CRTAM: variants seen among roughly 807,000 people sequenced by gnomAD.
CRTAM encodes the protein cytotoxic and regulatory T cell molecule, also known as cytotoxic and regulatory T-cell molecule.
CRTAM carries 44 observed loss-of-function variants against 50.0 expected under a neutral mutation model. The ratio of observed to expected loss-of-function variants is 0.88; its 90% CI spans 0.69 to 1.13. CRTAM has a LOEUF of 1.13. Among genes scored for constraint, CRTAM ranks in the 50% most tolerant of loss-of-function variants. The probability of loss-of-function intolerance (pLI) is 0.00; values close to 1 mark genes in which losing one functional copy is unlikely to be tolerated. For missense variants in CRTAM, 448 were observed against 457.5 expected (o/e 0.98, Z 0.19); for synonymous variants, 159 against 169.3 (o/e 0.94, Z 0.47).
At chr11:122,865,863 C>T (rs10892919) in intron 7 of CRTAM, among the ~76,000 whole-genome samples, 62,823 of 152,062 alleles carry the variant, frequency 0.41, 15,743 homozygotes, top group Middle Eastern at 0.58. Context: ...TATGCACACA[C>T]GTATATAAAA....
rs144434993 is a variant in CRTAM at position 122,862,513 on chromosome 11, C to T, written c.702C>T (p.Ser234=). 143 of 1,612,220 alleles carry T rather than the reference C, an allele frequency of 8.9e-5. 1 individual carries two copies. The African/African-American group carries it at 1.7e-3, about 19-fold the overall frequency. The change falls in exon 6 of 10, where the codon TCC becomes TCT. Residue 234 remains serine, a synonymous_variant. Transcript: ENST00000227348. The part of the protein sequence containing the change: ...ASDALERNSL[S]SQDPQQPTST... ...ATGCTCTGGAGAGAAACTCTCTATC[C>T]TCTCAAGACCCACAGCAGCCCACCA...
intron 7 of CRTAM, among the ~76,000 whole-genome samples, chr11:122,865,801 C>A (rs1390684453): frequency 2.0e-5 from 3 of 152,210 alleles, no homozygotes; most frequent in African/African-American, 7.2e-5. Context: ...TTGGTGTTAT[C>A]TATCACTCCT....
At chr11:122,860,159 C>T (rs1475079916) in intron 5 of CRTAM, among the ~76,000 whole-genome samples, 1 of 152,228 alleles carries the variant, frequency 6.6e-6, no homozygotes, top group East Asian at 1.9e-4. Flanking sequence ...GCAATACTCC[C>T]ACCTCAGTCT....
At chr11:122,847,403 G>A (rs1861879016) in intron 1 of CRTAM, among the ~76,000 whole-genome samples, 1 of 152,212 alleles carries the variant, frequency 6.6e-6, no homozygotes, top group Non-Finnish European at 1.5e-5. Flanking sequence ...TTCTCAGAAA[G>A]CTTGAACCCT....
At chr11:122,864,758 A>C (rs746379813) in intron 7 of CRTAM, 39 bp downstream of exon 7, 1 of 1,414,016 alleles carries the variant, frequency 7.1e-7, no homozygotes, top group African/African-American at 1.4e-5. Context: ...AACACTCGAC[A>C]TTTTAACCTC....
In CRTAM at chr11:122,871,347, A is replaced by C; in HGVS notation, c.1130A>C (p.Gln377Pro). ...EAKTKRKENV[Q>P]HSKLEEKHIQ... ...AAAACAAAGAGGAAGGAAAATGTACAACATTCAAAATTAGAAGAAAAGCAC... is the reference window on the plus strand; with the variant it reads ...AAAACAAAGAGGAAGGAAAATGTACCACATTCAAAATTAGAAGAAAAGCAC... Residue 377 changes from glutamine (Q) to proline (P), a missense_variant, in exon 10 of 10, where the codon CAA (glutamine) becomes CCA (proline). By Grantham distance (76) the Gln-to-Pro change is moderately conservative. Transcript: ENST00000227348. 2 of 1,613,896 alleles carry C rather than the reference A, an allele frequency of 1.2e-6. No individual in the cohort carries two copies. Among genetic ancestry groups the C allele is most frequent in the African/African-American group, 1.3e-5 (1 of 75,058 alleles).
intron 6 of CRTAM, among the ~76,000 whole-genome samples, 174 bp downstream of exon 6, chr11:122,862,718 A>G (rs1467100427): frequency 6.6e-6 from 1 of 152,228 alleles, no homozygotes; most frequent in Non-Finnish European, 1.5e-5. Flanking sequence ...CACATCAGGC[A>G]TCGGAATACT....
intron 1 of CRTAM, among the ~76,000 whole-genome samples, chr11:122,841,550 G>A (rs1451517720): frequency 2.0e-5 from 3 of 151,658 alleles, no homozygotes; most frequent in Admixed American, 1.3e-4. Flanking sequence ...ACAGGCACCC[G>A]CCACCACTCC....
intron 6 of CRTAM, among the ~76,000 whole-genome samples, chr11:122,863,330 AAAG>A (rs1309450336): frequency 3.4e-4 from 28 of 81,846 alleles, no homozygotes; most frequent in African/African-American, 9.7e-4. Flanking sequence ...AAAAAGAAAG[AAAG>A]AAAGAAAGAA....
At chr11:122,845,658 G>T (rs1054947282) in intron 1 of CRTAM, among the ~76,000 whole-genome samples, 3 of 152,140 alleles carry the variant, frequency 2.0e-5, no homozygotes, top group Non-Finnish European at 2.9e-5. Flanking sequence ...AGTGAGCTGA[G>T]ATCATGCCAC....
Position 122,838,612 on chromosome 11 carries a change from T to A in CRTAM, c.46+20T>A. 2 of 1,613,330 alleles carry A rather than the reference T, an allele frequency of 1.2e-6. No homozygotes were observed. The highest frequency in any genetic ancestry group is 8.5e-7 in the Non-Finnish European group (1 of 1,179,262). On this transcript the variant is annotated intron_variant, in intron 1 of 9. Transcript: ENST00000227348. Reference sequence around the variant, plus strand: ...TGCAAGGTAAGGACTTAGAGTTATTTTTGTTGTTGCTCAGCTGACTTAATG... The same window carrying A: ...TGCAAGGTAAGGACTTAGAGTTATTATTGTTGTTGCTCAGCTGACTTAATG...
chr11:122,863,248 A>G (rs1407987788), intron 6 of CRTAM, among the ~76,000 whole-genome samples: 1 of 143,000 alleles, frequency 7.0e-6, no homozygotes, highest in African/African-American at 2.6e-5. Flanking sequence ...AAAGAAAGAA[A>G]GAGAGAAAGA....
chr11:122,869,387 A>G (rs3107606), intron 9 of CRTAM, among the ~76,000 whole-genome samples: 5,090 of 152,320 alleles, frequency 0.033, 371 homozygotes, highest in East Asian at 0.32. Context: ...TTTGTGTTAA[A>G]TGAGTGACTA....
intron 8 of CRTAM, among the ~76,000 whole-genome samples, 196 bp downstream of exon 8, chr11:122,867,751 A>T (rs1357686290): frequency 6.6e-6 from 1 of 152,228 alleles, no homozygotes; most frequent in Non-Finnish European, 1.5e-5. Flanking sequence ...AAGAGTGTAT[A>T]ATCAATAGAA....
intron 2 of CRTAM, among the ~76,000 whole-genome samples, chr11:122,851,349 A>C (rs1172933167): frequency 1.3e-5 from 2 of 152,234 alleles, no homozygotes; most frequent in Non-Finnish European, 2.9e-5. Context: ...ATTTCAAGCT[A>C]AATCAACTAG....
chr11:122,853,076 T>A (rs1208550286), intron 3 of CRTAM, among the ~76,000 whole-genome samples: 1 of 151,896 alleles, frequency 6.6e-6, no homozygotes, highest in Non-Finnish European at 1.5e-5. Flanking sequence ...GCACCTTTTT[T>A]TTTTTTTGAT....
chr11:122,857,244 A>G (rs3134398), intron 5 of CRTAM, among the ~76,000 whole-genome samples: 104,170 of 152,074 alleles, frequency 0.68, 37,342 homozygotes, highest in African/African-American at 0.9. Flanking sequence ...CGAGGCGGGC[A>G]GATCACCTGA....
At chr11:122,858,422 C>T (rs549191948) in intron 5 of CRTAM, among the ~76,000 whole-genome samples, 17 of 152,150 alleles carry the variant, frequency 1.1e-4, no homozygotes, top group Admixed American at 9.2e-4. Flanking sequence ...TATGGGGTTT[C>T]GCCATGTTAC....
In CRTAM at chr11:122,845,832, T is replaced by C. The variant is rs1403531182; in HGVS notation, c.47-4236T>C. Among the ~76,000 whole-genome samples, 4 of 152,306 alleles carry C rather than the reference T, an allele frequency of 2.6e-5. No individual in the cohort carries two copies. In the East Asian group the frequency reaches 7.7e-4, roughly 29 times the overall value. ...ATATGGGATGAATAGTATATATTTG[T>C]GTGCTGATGAGAATGACAGTTTTTT... On this transcript the variant is annotated intron_variant, in intron 1 of 9. Coordinates refer to ENST00000227348, the MANE Select transcript of CRTAM (RefSeq NM_019604.4).
Sources: gnomAD v4.1 joint callset for allele counts (sites outside exome capture counted in the v4.1 genomes callset) on GRCh38, gnomAD v4.1.1 for gene constraint, MANE v1.5 for transcripts, NCBI Gene and HGNC (gene_info 2026-07-23, HGNC 2026-07-21) for gene names.